The following AKNA variants were observed in gnomAD, a reference collection of about 807,000 sequenced individuals.
The protein encoded by AKNA is microtubule organization protein AKNA.
AKNA carries 67 observed loss-of-function variants against 138.8 expected under a neutral mutation model. That is an observed-to-expected ratio of 0.48 (90% CI 0.40 to 0.59). The LOEUF (loss-of-function observed/expected upper bound fraction) is 0.59, where lower values mean the gene tolerates loss of function less well. Ranked by LOEUF, AKNA falls within the 20% of genes least tolerant of loss-of-function variation. The probability of loss-of-function intolerance (pLI) is 0.00; values close to 1 mark genes in which losing one functional copy is unlikely to be tolerated. For synonymous variants in AKNA, 737 were observed against 754.4 expected, an observed-to-expected ratio of 0.98 and a Z score of 0.38; for missense variants, 1,813 against 1,880.4, an observed-to-expected ratio of 0.96 and a Z score of 0.66.
chr9:114,357,964 A>C lies in AKNA; in HGVS notation c.2696T>G (p.Leu899Arg), dbSNP rs372384798. The C allele has an allele frequency of 6.2e-7, 1 of 1,601,558 alleles. No homozygotes were observed. Among genetic ancestry groups the C allele is most frequent in the African/African-American group, 1.4e-5 (1 of 74,020 alleles). Residue 899 changes from leucine to arginine, a missense_variant, in exon 12 of 22, where the codon CTT becomes CGT. Transcript: ENST00000374088. Reference protein sequence around the residue: ...SLEGSGISERLPQKPLHRGGG... With the variant: ...SLEGSGISERRPQKPLHRGGG... ...GCCTCGGTGCAAAGGCTTCTGTGGA[A>C]GGCGCTCAGAGATGCCGCTTCCCTC... is the stretch of plus-strand genomic sequence containing the variant.
At chr9:114,345,148 C>T (rs1396721382) in intron 18 of AKNA, 2 of 151,994 alleles carry the variant, frequency 1.3e-5, no homozygotes, top group Non-Finnish European at 2.9e-5. Context: ...ATGATCTTGG[C>T]TCACTGCAAC....
chr9:114,361,058 T>A (rs1014443563), intron 9 of AKNA, among the ~76,000 whole-genome samples: 3 of 151,930 alleles, frequency 2.0e-5, no homozygotes, highest in African/African-American at 4.8e-5. Flanking sequence ...CCCTGCCACC[T>A]CCCCAGCCTC....
At position 114,369,145 on chromosome 9, in the gene AKNA, T is replaced by C. The variant is rs150742191; in HGVS notation, c.1417-550A>G. ...ACTAATCTGCCATTGGTAGCGGATCTCTATCATTTGAGGATGGATTTAACA... is the reference window on the plus strand; with the variant it reads ...ACTAATCTGCCATTGGTAGCGGATCCCTATCATTTGAGGATGGATTTAACA... On this transcript the variant is annotated intron_variant, in intron 4 of 21. Coordinates refer to ENST00000374088, the MANE Select transcript of AKNA (RefSeq NM_001317950.2). Among the ~76,000 whole-genome samples, 314 of 152,330 alleles carry C rather than the reference T, an allele frequency of 2.1e-3. 1 individual carries two copies. The highest frequency in any genetic ancestry group is 4.7e-3 in the Admixed American group (72 of 15,294).
At chr9:114,333,235 C>G (rs900448912), downstream of AKNA, 5 of 931,170 alleles carry the variant, frequency 5.4e-6, no homozygotes, top group Non-Finnish European at 8.1e-6. Flanking sequence ...ATCAATAAAG[C>G]TTCTGTGTTT....
At position 114,377,351 on chromosome 9, in the gene AKNA, CAA is replaced by C. The variant is rs759965393; in HGVS notation, c.454_455del (p.Leu152GlyfsTer33). 1.2e-6 allele frequency: 2 copies of C among 1,613,792 alleles called. No individual in the cohort carries two copies. The highest frequency in any genetic ancestry group is 3.3e-5 in the Admixed American group (2 of 59,970). ...SRLGYEAGLS[L>X]EGHGNTSPMA... ...TGGGGCTGGTGTTTCCATGGCCTTCCAAGCTGAGACCAGCCTCATACCCCAAC... is the reference window on the plus strand; with the variant it reads ...TGGGGCTGGTGTTTCCATGGCCTTCCGCTGAGACCAGCCTCATACCCCAAC... On this transcript the variant is annotated frameshift_variant, in exon 3 of 22. Transcript: ENST00000374088. LOFTEE classifies it high-confidence loss of function.
At position 114,337,166 on chromosome 9, in the gene AKNA, C is replaced by G; in HGVS notation, c.4208G>C (p.Ser1403Thr). Residue 1403 changes from serine to threonine, a missense_variant, in exon 22 of 22, where the codon AGC becomes ACC. By Grantham distance (58) the Ser-to-Thr change is moderately conservative (BLOSUM62 1). Transcript: ENST00000374088. ...GCTCTCGGCAGCCTGCACGGCCCGG[C>G]TCAGGGCCTTGTTGAGCTCCTCTAG... ...GDLEELNKAL[S>T]RAVQAAESVR... The G allele has an allele frequency of 6.2e-7, 1 of 1,611,288 alleles. No homozygotes were observed. The highest frequency in any genetic ancestry group is 8.5e-7 in the Non-Finnish European group (1 of 1,178,250).
At chr9:114,340,853 G>A (rs942324781) in intron 21 of AKNA, among the ~76,000 whole-genome samples, 5 of 152,158 alleles carry the variant, frequency 3.3e-5, no homozygotes, top group Admixed American at 2.0e-4. Context: ...CAAAAACAAG[G>A]AAGGTCTGAG....
In AKNA at chr9:114,381,260, GC is replaced by G; in HGVS notation, c.73del (p.Ala25ProfsTer32). The G allele has an allele frequency of 6.2e-7, 1 of 1,613,240 alleles. No homozygotes were observed. The highest frequency in any genetic ancestry group is 1.3e-5 in the African/African-American group (1 of 75,010). ...CACATCCCTCTTGTCCTCGGCCCAG[GC>G]CCAGCGCCGCCGCTGGGGGCCCTTC... is the stretch of plus-strand genomic sequence containing the variant. Reference protein sequence around the residue: ...LGKGPQRRRWAWAEDKRDVDR... With the variant: ...LGKGPQRRRWXWAEDKRDVDR... On this transcript the variant is annotated frameshift_variant, in exon 2 of 22. Coordinates refer to ENST00000374088, the MANE Select transcript of AKNA (RefSeq NM_001317950.2). LOFTEE classifies it high-confidence loss of function.
chr9:114,392,319 C>T (rs60299364), upstream of AKNA, among the ~76,000 whole-genome samples: 4,122 of 152,314 alleles, frequency 0.027, 199 homozygotes, highest in African/African-American at 0.094. Flanking sequence ...AGATTATCTT[C>T]TAATGCTAAA....
intron 1 of AKNA, among the ~76,000 whole-genome samples, chr9:114,393,453 C>CTGA (rs1266926130): frequency 2.0e-5 from 3 of 151,558 alleles, no homozygotes; most frequent in African/African-American, 7.3e-5. Flanking sequence ...TCTCGATCTC[C>CTGA]TGACCTCGTG....
chr9:114,347,515 C>A (rs1417478063), intron 16 of AKNA, among the ~76,000 whole-genome samples: 3 of 152,208 alleles, frequency 2.0e-5, no homozygotes, highest in Admixed American at 6.5e-5. Context: ...CTGCGCCCGG[C>A]CTATTCTTTA....
intron 5 of AKNA, 127 bp downstream of exon 5, chr9:114,368,312 G>A: frequency 9.2e-7 from 1 of 1,082,168 alleles, no homozygotes; most frequent in Non-Finnish European, 1.2e-6. Context: ...TGCCCAGGGT[G>A]GGGCCTTGCC....
chr9:114,364,124 A>G (rs1252547695), intron 7 of AKNA, among the ~76,000 whole-genome samples: 1 of 151,866 alleles, frequency 6.6e-6, no homozygotes, highest in Non-Finnish European at 1.5e-5. Context: ...GCTGAGAGGC[A>G]GGATAATTTG....
At chr9:114,383,883 G>A (rs1833855810) in intron 1 of AKNA, among the ~76,000 whole-genome samples, 1 of 152,150 alleles carries the variant, frequency 6.6e-6, no homozygotes, top group African/African-American at 2.4e-5. Context: ...GTGGATGGGT[G>A]TTCGGGGCTT....
rs772975528 is a variant in AKNA, at chr9:114,376,846, G to A, written c.961C>T (p.Gln321Ter). The A allele has an allele frequency of 1.9e-6, 3 of 1,613,864 alleles. No homozygotes were observed. The African/African-American group carries it at 4.0e-5, about 22-fold the overall frequency. The change falls in exon 3 of 22, where the codon CAG becomes TAG. Residue 321 changes from glutamine to a stop codon, truncating the protein, a stop_gained. Coordinates refer to ENST00000374088, the MANE Select transcript of AKNA (RefSeq NM_001317950.2). LOFTEE classifies it high-confidence loss of function. The part of the protein sequence containing the change: ...FIGSISPLNP[Q>*]PRPTRQGRPL... ...CTGCCCTGCCGCGTTGGCCTGGGCT[G>A]GGGATTCAGGGGGCTGATGGAGCCA...
At chr9:114,391,594 A>G (rs1834340545), upstream of AKNA, among the ~76,000 whole-genome samples, 1 of 152,192 alleles carries the variant, frequency 6.6e-6, no homozygotes, top group African/African-American at 2.4e-5. Context: ...CACGCCTGTA[A>G]TCCCAGCACT....
At chr9:114,345,837 C>G in intron 18 of AKNA, 26 bp downstream of exon 18, 3 of 1,611,594 alleles carry the variant, frequency 1.9e-6, no homozygotes, top group Non-Finnish European at 2.5e-6. Context: ...GAGCTGCACC[C>G]ATCCCGGCCC....
intron 8 of AKNA, 84 bp downstream of exon 8, chr9:114,362,322 G>T: frequency 6.8e-7 from 1 of 1,474,898 alleles, no homozygotes. Flanking sequence ...AAATTATAAG[G>T]ACAAAGTGCC....
intron 8 of AKNA, among the ~76,000 whole-genome samples, chr9:114,362,128 A>G (rs186176406): frequency 6.6e-6 from 1 of 152,312 alleles, no homozygotes; most frequent in East Asian, 1.9e-4. Flanking sequence ...TGCCATCCAC[A>G]GGCTGTGGGA....
Sources: gnomAD v4.1 joint callset for allele counts (sites outside exome capture counted in the v4.1 genomes callset) on GRCh38, gnomAD v4.1.1 for gene constraint, MANE v1.5 for transcripts, NCBI Gene and HGNC (gene_info 2026-07-23, HGNC 2026-07-21) for gene names.